Variants in DENND2A observed in about 807,000 individuals in gnomAD.
The protein encoded by DENND2A is DENN domain containing 2A, also known as DENN domain-containing protein 2A.
In DENND2A, 53 loss-of-function variants were observed where a neutral mutation model predicts 105.3. That is an observed-to-expected ratio of 0.50 (90% CI 0.40 to 0.63). The LOEUF (loss-of-function observed/expected upper bound fraction) is 0.63. Ranked by LOEUF, DENND2A falls within the 30% of genes least tolerant of loss-of-function variation. The pLI is 0.00. For synonymous variants in DENND2A, 522 were observed against 508.4 expected, an observed-to-expected ratio of 1.03 and a Z score of -0.36; for missense variants, 1,138 against 1,279.6, an observed-to-expected ratio of 0.89 and a Z score of 1.69.
intron 3 of DENND2A, among the ~76,000 whole-genome samples, chr7:140,592,518 C>T (rs1012714776): frequency 1.5e-4 from 22 of 151,272 alleles, no homozygotes; most frequent in African/African-American, 4.9e-5. Flanking sequence ...GCTAATTTTT[C>T]GTTTTTAGTA....
chr7:140,564,016 C>T (rs1797736590), intron 9 of DENND2A, among the ~76,000 whole-genome samples: 1 of 152,060 alleles, frequency 6.6e-6, no homozygotes, highest in Non-Finnish European at 1.5e-5. Flanking sequence ...GGCATAGTGG[C>T]TCATGCCTGT....
At chr7:140,542,565 CTTTTTTTTTTTT>C (rs771623397) in intron 14 of DENND2A, among the ~76,000 whole-genome samples, 12 of 111,984 alleles carry the variant, frequency 1.1e-4, no homozygotes, top group Admixed American at 1.9e-4. Context: ...TTTTCTCTCT[CTTTTTTTTTTTT>C]TTTTTTTTTT....
chr7:140,552,445 G>A (rs1797176478), intron 12 of DENND2A, among the ~76,000 whole-genome samples: 1 of 151,136 alleles, frequency 6.6e-6, no homozygotes, highest in Admixed American at 6.6e-5. Context: ...CAAGGCTGGA[G>A]TGCACTGGTG....
At chr7:140,544,904 A>G in intron 13 of DENND2A, 138 bp from the exon 14 acceptor site, 1 of 1,450,578 alleles carries the variant, frequency 6.9e-7, no homozygotes. Context: ...GAAAAAAAGC[A>G]AAACAAAAGG....
chr7:140,560,819 A>ACCT (rs1415769765), intron 9 of DENND2A, among the ~76,000 whole-genome samples: 2 of 152,062 alleles, frequency 1.3e-5, no homozygotes. Flanking sequence ...CTGTAGTCCC[A>ACCT]GCTGCTCGGG....
At chr7:140,600,197 G>A (rs1447745588) in intron 3 of DENND2A, among the ~76,000 whole-genome samples, 7 of 151,858 alleles carry the variant, frequency 4.6e-5, no homozygotes, top group African/African-American at 9.7e-5. Flanking sequence ...GTTTGGACAC[G>A]TTAAGTATAA....
intron 10 of DENND2A, among the ~76,000 whole-genome samples, chr7:140,558,858 A>G (rs1433709765): frequency 6.8e-6 from 1 of 147,240 alleles, no homozygotes; most frequent in Non-Finnish European, 1.5e-5. Flanking sequence ...GCTGGGATGC[A>G]GTGGTGTGAT....
chr7:140,628,228 A>G (rs1800604147), intron 1 of DENND2A, among the ~76,000 whole-genome samples: 1 of 152,226 alleles, frequency 6.6e-6, no homozygotes, highest in Non-Finnish European at 1.5e-5. Context: ...TGCTGTTATA[A>G]TCTGTAAAAG....
rs375396888 is a variant in DENND2A at position 140,523,419 on chromosome 7, G to A, written c.2553C>T (p.Asp851=). ...LVNSRFLRQM[D]DEDSILPRKL... Reference sequence around the variant, plus strand: ...TCCGGGGCAGGATGGAGTCCTCATCGTCCATCTGGAAAGCAGAGGTAGCAG... The same window carrying A: ...TCCGGGGCAGGATGGAGTCCTCATCATCCATCTGGAAAGCAGAGGTAGCAG... The change falls in exon 17 of 20, where the codon GAC becomes GAT. Residue 851 remains aspartate, a synonymous_variant. Transcript: ENST00000496613. This position sits in a 1 kb window ranked among gnomAD's most constrained non-coding sequence, Gnocchi z 4.5. The A allele has an allele frequency of 1.4e-5, 23 of 1,614,058 alleles. No individual in the cohort carries two copies. The highest frequency in any genetic ancestry group is 1.7e-5 in the Admixed American group (1 of 60,010).
At chr7:140,528,401 C>T (rs1249731310) in intron 14 of DENND2A, among the ~76,000 whole-genome samples, 1 of 152,128 alleles carries the variant, frequency 6.6e-6, no homozygotes, top group Non-Finnish European at 1.5e-5. Context: ...GCAGTCAGCT[C>T]CAAATGGGTT....
chr7:140,576,027 G>GATATATATATATAT (rs202205552), intron 5 of DENND2A, among the ~76,000 whole-genome samples: 15 of 147,626 alleles, frequency 1.0e-4, no homozygotes, highest in African/African-American at 3.5e-4. Flanking sequence ...GGTTCTTTCA[G>GATATATATATATAT]ATATATATAT....
chr7:140,525,744 C>T lies in DENND2A; in HGVS notation c.2547+7G>A. ...GGGAGCAGGAGGCCGTCGCTGGCCT[C>T]ACTCACCTGTCTGAGGAACCGGCTG... On this transcript the variant is annotated splice_region_variant and intron_variant, in intron 16 of 19. Coordinates refer to ENST00000496613, the MANE Select transcript of DENND2A (RefSeq NM_015689.5). 6.2e-7 allele frequency: 1 copy of T among 1,606,762 alleles called. No homozygotes were observed. The highest frequency in any genetic ancestry group is 8.5e-7 in the Non-Finnish European group (1 of 1,176,570).
intron 1 of DENND2A, among the ~76,000 whole-genome samples, chr7:140,632,400 G>C (rs1585796091): frequency 6.6e-6 from 1 of 152,068 alleles, no homozygotes; most frequent in Non-Finnish European, 1.5e-5. Context: ...ATAGACAGAG[G>C]GGTGGTACCA....
At chr7:140,545,133 A>G (rs1230080090) in intron 13 of DENND2A, among the ~76,000 whole-genome samples, 1 of 152,084 alleles carries the variant, frequency 6.6e-6, no homozygotes, top group Non-Finnish European at 1.5e-5. Flanking sequence ...GGACTTTTGA[A>G]AACGGTTCTG....
At chr7:140,611,948 T>C (rs1799914045) in intron 1 of DENND2A, among the ~76,000 whole-genome samples, 1 of 152,078 alleles carries the variant, frequency 6.6e-6, no homozygotes, top group African/African-American at 2.4e-5. Context: ...CAGTTTAAGA[T>C]GGTGAATGTT....
intron 1 of DENND2A, among the ~76,000 whole-genome samples, chr7:140,624,324 A>T (rs1167321622): frequency 6.6e-6 from 1 of 151,934 alleles, no homozygotes; most frequent in African/African-American, 2.4e-5. Flanking sequence ...GTCCCAGTCT[A>T]GTGAGGAAAT....
chr7:140,518,563 A>G lies in DENND2A; in HGVS notation c.*144T>C. The G allele has an allele frequency of 1.3e-6, 1 of 757,486 alleles. No homozygotes were observed. The highest frequency in any genetic ancestry group is 2.1e-6 in the Non-Finnish European group (1 of 480,130). 46.9% of individuals were successfully genotyped at this position (757,486 alleles called of 1,614,324 possible). A position where few individuals can be genotyped will look rare whatever the true frequency, so the allele number is the denominator to read the frequency against. On this transcript the variant is annotated 3_prime_UTR_variant, in exon 20 of 20. Transcript: ENST00000496613. Reference sequence around the variant, plus strand: ...CGGCTCCCAGGTCCTCATCCAGGGAAGAGCCCAGCCTCGGCCAGAAGCCAC... The same window carrying G: ...CGGCTCCCAGGTCCTCATCCAGGGAGGAGCCCAGCCTCGGCCAGAAGCCAC...
intron 14 of DENND2A, among the ~76,000 whole-genome samples, chr7:140,536,874 G>A (rs1394528515): frequency 6.6e-6 from 1 of 151,816 alleles, no homozygotes; most frequent in African/African-American, 2.4e-5. Context: ...TGTTGGCCAG[G>A]CTGGTCTCGA....
At chr7:140,546,769 C>A in intron 13 of DENND2A, 30 bp downstream of exon 13, 1 of 1,611,534 alleles carries the variant, frequency 6.2e-7, no homozygotes. Context: ...ACTGCCTCCC[C>A]AGGGAGAAGG....
Sources: allele counts gnomAD v4.1 joint callset (sites outside exome capture counted in the v4.1 genomes callset), GRCh38; gene constraint gnomAD v4.1.1; non-coding constraint Gnocchi (gnomAD v3.1); transcripts MANE v1.5; gene names NCBI Gene and HGNC (gene_info 2026-07-23, HGNC 2026-07-21).